SORCS1: variants seen among roughly 807,000 people sequenced by gnomAD.
SORCS1 encodes the protein VPS10 domain-containing receptor SorCS1.
SORCS1 carries 60 observed loss-of-function variants against 146.1 expected under a neutral mutation model. The ratio of observed to expected loss-of-function variants is 0.41; its 90% CI spans 0.33 to 0.51. The LOEUF (loss-of-function observed/expected upper bound fraction) is 0.51. Ranked by LOEUF, SORCS1 falls within the 20% of genes least tolerant of loss-of-function variation. The probability of loss-of-function intolerance (pLI) is 0.21; values close to 1 mark genes in which losing one functional copy is unlikely to be tolerated. For missense variants in SORCS1, 1,352 were observed against 1,487.6 expected, an observed-to-expected ratio of 0.91 and a Z score of 1.50; for synonymous variants, 637 against 584.0, an observed-to-expected ratio of 1.09 and a Z score of -1.31.
chr10:106,839,542 G>A (rs1318654528), intron 2 of SORCS1, among the ~76,000 whole-genome samples: 1 of 152,242 alleles, frequency 6.6e-6, no homozygotes, highest in Non-Finnish European at 1.5e-5. Flanking sequence ...AAGTGAAGCA[G>A]CAAGTGCTGA....
At chr10:107,064,265 A>G (rs560797944) in intron 1 of SORCS1, among the ~76,000 whole-genome samples, 1 of 152,314 alleles carries the variant, frequency 6.6e-6, no homozygotes, top group South Asian at 2.1e-4. Flanking sequence ...TGGAAGGGAC[A>G]TTAGAAATGA....
At chr10:106,944,369 G>A (rs1255495498) in intron 2 of SORCS1, among the ~76,000 whole-genome samples, 1 of 152,168 alleles carries the variant, frequency 6.6e-6, no homozygotes, top group Non-Finnish European at 1.5e-5. Context: ...AGAGGCGCCT[G>A]AAATATGGGA....
At chr10:106,844,828 G>A (rs1175027789) in intron 2 of SORCS1, among the ~76,000 whole-genome samples, 56 of 143,716 alleles carry the variant, frequency 3.9e-4, no homozygotes, top group Admixed American at 2.3e-3. Context: ...GAGAATATGC[G>A]GTGTTTGGTT....
intron 24 of SORCS1, among the ~76,000 whole-genome samples, chr10:106,586,344 G>C (rs1845233842): frequency 6.6e-6 from 1 of 152,102 alleles, no homozygotes; most frequent in Admixed American, 6.5e-5. Flanking sequence ...GTGTCTAAAG[G>C]GTAGCTTGTC....
Position 106,813,970 on chromosome 10 carries a change from A to C in SORCS1, c.726+15604T>G, listed in dbSNP as rs1589454175. Among the ~76,000 whole-genome samples the C allele has an allele frequency of 1.3e-5, 2 of 152,248 alleles. 1 individual carries two copies. The highest frequency in any genetic ancestry group is 6.8e-3 in the Middle Eastern group (2 of 294). On this transcript the variant is annotated intron_variant, in intron 3 of 25. Transcript: ENST00000263054. ...ATTGTCTCAAAACAAAAACAAAAGA[A>C]ATACCAACGAGAAAATCCATCAACT...
intron 3 of SORCS1, among the ~76,000 whole-genome samples, chr10:106,826,386 T>G (rs1340707741): frequency 6.6e-6 from 1 of 152,234 alleles, no homozygotes; most frequent in East Asian, 1.9e-4. Flanking sequence ...TCTGCCCTTT[T>G]CACTGGAGGA....
At chr10:106,956,115 C>T (rs1426999203) in intron 2 of SORCS1, among the ~76,000 whole-genome samples, 1 of 150,444 alleles carries the variant, frequency 6.6e-6, no homozygotes, top group Non-Finnish European at 1.5e-5. Flanking sequence ...GGCAACAAGA[C>T]CAAAACTCCG....
chr10:106,754,811 G>A (rs1210322756), intron 5 of SORCS1, among the ~76,000 whole-genome samples: 2 of 152,110 alleles, frequency 1.3e-5, no homozygotes, highest in Non-Finnish European at 2.9e-5. Flanking sequence ...AATAACAAAG[G>A]TTCATTGCTG....
the SORCS1 span, among the ~76,000 whole-genome samples, chr10:107,169,742 A>G: frequency 1.3e-5 from 2 of 152,162 alleles, no homozygotes; most frequent in African/African-American, 2.4e-5. Flanking sequence ...AAATTTATCT[A>G]AGGTCACAGA....
At chr10:106,810,432 G>T (rs1245785614) in intron 3 of SORCS1, among the ~76,000 whole-genome samples, 1 of 152,140 alleles carries the variant, frequency 6.6e-6, no homozygotes, top group Admixed American at 6.6e-5. Flanking sequence ...AGGGCTCTTT[G>T]AATAGCACTT....
chr10:106,938,155 G>T (rs1953847873), intron 2 of SORCS1, among the ~76,000 whole-genome samples: 2 of 152,022 alleles, frequency 1.3e-5, no homozygotes, highest in Non-Finnish European at 2.9e-5. Context: ...GCCTGGCAGG[G>T]AGTGTCAAAT....
intron 1 of SORCS1, among the ~76,000 whole-genome samples, chr10:107,075,274 C>T (rs143943052): frequency 6.6e-6 from 1 of 152,118 alleles, no homozygotes; most frequent in Non-Finnish European, 1.5e-5. Flanking sequence ...TATTAGAAAA[C>T]AGCATGATGC....
intron 1 of SORCS1, among the ~76,000 whole-genome samples, chr10:107,064,274 G>T (rs1412706763): frequency 6.6e-6 from 1 of 152,138 alleles, no homozygotes; most frequent in Non-Finnish European, 1.5e-5. Context: ...CATTAGAAAT[G>T]ATTTATCCTT....
At chr10:106,997,441 A>G (rs1957045044) in intron 1 of SORCS1, among the ~76,000 whole-genome samples, 1 of 152,198 alleles carries the variant, frequency 6.6e-6, no homozygotes, top group Non-Finnish European at 1.5e-5. Flanking sequence ...CATCTGGACT[A>G]TACTAAATTA....
intron 1 of SORCS1, among the ~76,000 whole-genome samples, chr10:107,080,145 AC>A (rs1963216835): frequency 6.6e-6 from 1 of 152,168 alleles, no homozygotes; most frequent in African/African-American, 2.4e-5. Context: ...ATTTTGAACA[AC>A]CTGCTTCTAA....
intron 24 of SORCS1, among the ~76,000 whole-genome samples, chr10:106,590,486 G>A (rs929887327): frequency 1.3e-5 from 2 of 152,094 alleles, no homozygotes; most frequent in African/African-American, 4.8e-5. Context: ...TACATTTCAA[G>A]TTACTAGGGT....
At chr10:106,930,056 C>G (rs1344692969) in intron 2 of SORCS1, among the ~76,000 whole-genome samples, 1 of 152,056 alleles carries the variant, frequency 6.6e-6, no homozygotes, top group Non-Finnish European at 1.5e-5. Context: ...ACCATCCTGG[C>G]TAACACGGTG....
At chr10:107,120,722 G>C (rs146345676) in intron 1 of SORCS1, among the ~76,000 whole-genome samples, 139 of 152,244 alleles carry the variant, frequency 9.1e-4, no homozygotes, top group African/African-American at 3.2e-3. Flanking sequence ...TGCTTAAACC[G>C]GCCATGCATC....
intron 1 of SORCS1, among the ~76,000 whole-genome samples, chr10:107,081,965 TG>T (rs1260400835): frequency 6.6e-6 from 1 of 152,228 alleles, no homozygotes; most frequent in Admixed American, 6.5e-5. Context: ...TTTGTATGTT[TG>T]GGAAGAAAGA....
Sources: gnomAD v4.1 joint callset for allele counts (sites outside exome capture counted in the v4.1 genomes callset) on GRCh38, gnomAD v4.1.1 for gene constraint, MANE v1.5 for transcripts, NCBI Gene and HGNC (gene_info 2026-07-23, HGNC 2026-07-21) for gene names.